Variants in DNAH8 observed in about 807,000 individuals in gnomAD.
DNAH8 encodes axonemal beta dynein heavy chain 8.
In DNAH8, 382 loss-of-function variants were observed where a neutral mutation model predicts 562.1. The observed-to-expected ratio is 0.68, with a 90% CI of 0.63 to 0.74. The LOEUF (loss-of-function observed/expected upper bound fraction) is 0.74, where lower values mean the gene tolerates loss of function less well. Ranked by LOEUF, DNAH8 falls within the 30% of genes least tolerant of loss-of-function variation. The pLI is 0.00. For missense variants in DNAH8, 5,203 were observed against 5,620.4 expected, an observed-to-expected ratio of 0.93 and a Z score of 2.37; for synonymous variants, 1,881 against 1,919.4, an observed-to-expected ratio of 0.98 and a Z score of 0.52.
At chr6:38,810,609 G>T (rs1771710671) in intron 24 of DNAH8, among the ~76,000 whole-genome samples, 1 of 151,714 alleles carries the variant, frequency 6.6e-6, no homozygotes, top group Non-Finnish European at 1.5e-5. Context: ...AAAGAAAAAA[G>T]AAAAAGCACT....
intron 52 of DNAH8, among the ~76,000 whole-genome samples, chr6:38,874,335 T>G (rs1396381374): frequency 8.3e-6 from 1 of 120,896 alleles, no homozygotes; most frequent in Non-Finnish European, 1.7e-5. Flanking sequence ...CCTCCCTCTC[T>G]CTCTCTTCTT....
intron 88 of DNAH8, among the ~76,000 whole-genome samples, chr6:39,007,764 T>C (rs1032219191): frequency 2.0e-5 from 3 of 152,154 alleles, no homozygotes; most frequent in Non-Finnish European, 4.4e-5. Context: ...CCCTTACTTC[T>C]TATCTGAATG....
chr6:38,881,520 T>C (rs950924942), intron 53 of DNAH8, among the ~76,000 whole-genome samples: 7 of 151,402 alleles, frequency 4.6e-5, no homozygotes, highest in Non-Finnish European at 1.0e-4. Flanking sequence ...CCAGAGATGC[T>C]AAAATGTAAA....
intron 21 of DNAH8, among the ~76,000 whole-genome samples, chr6:38,798,179 T>C (rs1770459196): frequency 6.6e-6 from 1 of 152,102 alleles, no homozygotes; most frequent in East Asian, 1.9e-4. Flanking sequence ...GGTATAGGGA[T>C]GCTTTCTGAG....
chr6:38,778,046 TAAAG>T (rs929151843), intron 13 of DNAH8, among the ~76,000 whole-genome samples: 94 of 152,362 alleles, frequency 6.2e-4, no homozygotes, highest in African/African-American at 2.0e-3. Context: ...TTAATTTTAA[TAAAG>T]ACTCTATTCA....
intron 71 of DNAH8, among the ~76,000 whole-genome samples, chr6:38,922,452 C>T (rs1781784449): frequency 6.6e-6 from 1 of 152,014 alleles, no homozygotes; most frequent in Non-Finnish European, 1.5e-5. Flanking sequence ...GTCTTAACCT[C>T]AAAACCATAG....
intron 85 of DNAH8, among the ~76,000 whole-genome samples, chr6:38,975,403 T>C (rs1471238083): frequency 6.6e-6 from 1 of 152,184 alleles, no homozygotes; most frequent in East Asian, 1.9e-4. Flanking sequence ...AATAAATCAG[T>C]TGGTCTATCC....
rs751670785 is a variant in DNAH8, at chr6:38,909,580, G to A, written c.9576G>A (p.Met3192Ile). Residue 3192 changes from methionine to isoleucine, a missense_variant, in exon 65 of 93, where the codon ATG becomes ATA. Transcript: ENST00000327475. ...KFPGLISGCT[M>I]DWFSRWPREA... is the part of the protein sequence containing the mutation. The stretch of plus-strand genomic sequence containing the variant: ...CTGGCTTGATATCAGGTTGCACTAT[G>A]GACTGGTTCAGCCGCTGGCCAAGGG... 2 of 1,614,102 alleles carry A rather than the reference G, an allele frequency of 1.2e-6. No individual in the cohort carries two copies. The highest frequency in any genetic ancestry group is 4.5e-5 in the East Asian group (2 of 44,880).
chr6:38,967,687 C>A (rs1278950100), intron 82 of DNAH8, among the ~76,000 whole-genome samples: 2 of 152,008 alleles, frequency 1.3e-5, no homozygotes, highest in Non-Finnish European at 2.9e-5. Context: ...TGGTAAAATG[C>A]CAGTACTCAT....
chr6:38,817,364 AC>A (rs1225264049), intron 26 of DNAH8, among the ~76,000 whole-genome samples: 9 of 151,698 alleles, frequency 5.9e-5, no homozygotes, highest in African/African-American at 2.2e-4. Context: ...AAACAAAAAC[AC>A]CCCCAAGATA....
chr6:38,822,992 G>A lies in DNAH8; in HGVS notation c.3678G>A (p.Lys1226=). Residue 1226 remains lysine, a synonymous_variant, in exon 27 of 93, where the codon AAG becomes AAA. Coordinates refer to ENST00000327475, the MANE Select transcript of DNAH8 (RefSeq NM_001206927.2). The stretch of plus-strand genomic sequence containing the variant: ...ATGAGGCCCTGCAGGACTTTCAGAA[G>A]TACAAGACTCTCTGGACAGAGGACC... ...AAHEALQDFQ[K]YKTLWTEDRD... is the part of the protein sequence containing the mutation. The A allele has an allele frequency of 1.2e-6, 2 of 1,608,072 alleles. No homozygotes were observed. Among genetic ancestry groups the A allele is most frequent in the African/African-American group, 2.7e-5 (2 of 74,634 alleles).
intron 26 of DNAH8, among the ~76,000 whole-genome samples, chr6:38,818,537 C>CAAAAAAAAAAAAAAAAAAAAAAAGAAAA (rs70981590): frequency 1.3e-5 from 1 of 75,886 alleles, no homozygotes; most frequent in Admixed American, 1.6e-4. Flanking sequence ...AAAGCAAAAG[C>CAAAAAAAAAAAAAAAAAAAAAAAGAAAA]AAAAAAAAAA....
intron 18 of DNAH8, among the ~76,000 whole-genome samples, chr6:38,788,966 G>A (rs1769443916): frequency 6.6e-6 from 1 of 152,078 alleles, no homozygotes; most frequent in Admixed American, 6.5e-5. Flanking sequence ...CGTTGGTATT[G>A]TGGAAACTGG....
intron 70 of DNAH8, among the ~76,000 whole-genome samples, chr6:38,920,924 T>G (rs550402100): frequency 6.6e-6 from 1 of 152,204 alleles, no homozygotes; most frequent in Admixed American, 6.5e-5. Context: ...AGGGTCTCAC[T>G]CTGTCGCCCA....
intron 37 of DNAH8, among the ~76,000 whole-genome samples, chr6:38,849,341 T>G (rs1018198795): frequency 1.3e-5 from 2 of 152,108 alleles, no homozygotes; most frequent in Non-Finnish European, 2.9e-5. Context: ...TACTAGCAGA[T>G]CAGAACATGC....
rs1777062666 is a variant in DNAH8, at chr6:38,866,761, A to G, written c.6586-8A>G. Reference sequence around the variant, plus strand: ...AAGTTGAAAAAAACTCACTATATTAATTTTCAGATCATTATGAGAGTTAAA... The same window carrying G: ...AAGTTGAAAAAAACTCACTATATTAGTTTTCAGATCATTATGAGAGTTAAA... On this transcript the variant is annotated splice_region_variant and splice_polypyrimidine_tract_variant and intron_variant, in intron 46 of 92. Coordinates refer to ENST00000327475, the MANE Select transcript of DNAH8 (RefSeq NM_001206927.2). 3.1e-6 allele frequency: 5 copies of G among 1,606,400 alleles called. No individual in the cohort carries two copies. Among genetic ancestry groups the G allele is most frequent in the Non-Finnish European group, 4.3e-6 (5 of 1,175,322 alleles).
chr6:38,839,046 C>T (rs893646756), intron 33 of DNAH8, among the ~76,000 whole-genome samples: 22 of 152,148 alleles, frequency 1.4e-4, no homozygotes, highest in Non-Finnish European at 2.9e-4. Context: ...TTTGTATTCT[C>T]TTTCTAAAAC....
At chr6:38,968,463 T>C (rs1197830278) in intron 82 of DNAH8, among the ~76,000 whole-genome samples, 5 of 152,072 alleles carry the variant, frequency 3.3e-5, no homozygotes, top group Non-Finnish European at 7.4e-5. Context: ...AATTTAAAAA[T>C]GGGCAAAGGA....
Position 38,723,990 on chromosome 6 carries a change from AT to A in DNAH8, c.525+521del, listed in dbSNP as rs772085593. Among the ~76,000 whole-genome samples the A allele has an allele frequency of 1.4e-3, 216 of 151,620 alleles. 1 individual carries two copies. The highest frequency in any genetic ancestry group is 2.4e-3 in the Non-Finnish European group (165 of 67,894). On this transcript the variant is annotated intron_variant, in intron 3 of 92. Transcript: ENST00000327475. ...TTAAATTTAATTAATTAATTAATTA[AT>A]TAATTAATTAATTTTTTGAGACAGA...
Sources: allele counts gnomAD v4.1 joint callset (sites outside exome capture counted in the v4.1 genomes callset), GRCh38; gene constraint gnomAD v4.1.1; transcripts MANE v1.5; gene names NCBI Gene and HGNC (gene_info 2026-07-23, HGNC 2026-07-21).